The following NRG1 variants were observed in gnomAD, a reference collection of about 807,000 sequenced individuals.
NRG1 encodes the protein pro-neuregulin-1, membrane-bound isoform.
NRG1 carries 18 observed loss-of-function variants against 63.8 expected under a neutral mutation model. The observed-to-expected ratio is 0.28, with a 90% confidence interval of 0.19 to 0.42. The LOEUF (loss-of-function observed/expected upper bound fraction) is 0.42, where lower values mean the gene tolerates loss of function less well. Among genes scored for constraint, NRG1 ranks in the 10% least tolerant of loss-of-function variants. The pLI, the probability that NRG1 is intolerant of heterozygous loss-of-function variation, is 1.00. For synonymous variants in NRG1, 302 were observed against 301.3 expected, an observed-to-expected ratio of 1.00 and a Z score of -0.02; for missense variants, 762 against 814.7, an observed-to-expected ratio of 0.94 and a Z score of 0.79.
intron 1 of NRG1, among the ~76,000 whole-genome samples, chr8:32,114,345 A>G (rs1832427674): frequency 6.6e-6 from 1 of 152,236 alleles, no homozygotes; most frequent in Admixed American, 6.5e-5. Flanking sequence ...GCGATAAAAC[A>G]GCTTCCCAAT....
intron 1 of NRG1, among the ~76,000 whole-genome samples, chr8:31,676,542 C>T (rs1807719866): frequency 6.6e-6 from 1 of 152,152 alleles, no homozygotes; most frequent in African/African-American, 2.4e-5. Context: ...GCAGCAACAG[C>T]TTGTTAAAAA....
intron 1 of NRG1, among the ~76,000 whole-genome samples, chr8:31,658,369 T>A (rs867320873): frequency 1.3e-5 from 2 of 152,208 alleles, no homozygotes; most frequent in Admixed American, 6.5e-5. Flanking sequence ...TTTTTAGTTT[T>A]CTCTTTGTAA....
At chr8:31,681,389 A>AAAC (rs1808327904) in intron 1 of NRG1, among the ~76,000 whole-genome samples, 1 of 95,496 alleles carries the variant, frequency 1.0e-5, no homozygotes, top group Non-Finnish European at 2.7e-5. Context: ...CACAAAAGAG[A>AAAC]AAACACAAAT....
intron 1 of NRG1, among the ~76,000 whole-genome samples, chr8:32,313,971 C>T (rs1484238388): frequency 1.3e-5 from 2 of 152,128 alleles, no homozygotes; most frequent in African/African-American, 4.8e-5. Context: ...GCAGACACTA[C>T]TTTTGGCACC....
At chr8:31,995,657 G>C (rs1230855419) in intron 1 of NRG1, among the ~76,000 whole-genome samples, 1 of 151,810 alleles carries the variant, frequency 6.6e-6, no homozygotes, top group Non-Finnish European at 1.5e-5. Flanking sequence ...ATTTTTGTAT[G>C]TGTCCTATTT....
At chr8:32,132,074 A>G (rs957379547) in intron 1 of NRG1, among the ~76,000 whole-genome samples, 1 of 152,000 alleles carries the variant, frequency 6.6e-6, no homozygotes, top group Non-Finnish European at 1.5e-5. Context: ...TGAAGCCACT[A>G]TGTTTTTGTC....
At chr8:32,112,834 C>T (rs77075445) in intron 1 of NRG1, among the ~76,000 whole-genome samples, 2,420 of 152,278 alleles carry the variant, frequency 0.016, 56 homozygotes, top group African/African-American at 0.055. Flanking sequence ...GCCTCAGACA[C>T]ACCAGGCTGG....
intron 1 of NRG1, among the ~76,000 whole-genome samples, chr8:32,255,144 C>G (rs868654651): frequency 6.6e-6 from 1 of 152,152 alleles, no homozygotes; most frequent in Non-Finnish European, 1.5e-5. Context: ...GACTCTTTCT[C>G]CAATCTGCCA....
At chr8:32,118,721 A>C (rs758352201) in intron 1 of NRG1, among the ~76,000 whole-genome samples, 10 of 152,078 alleles carry the variant, frequency 6.6e-5, no homozygotes, top group Non-Finnish European at 1.5e-4. Flanking sequence ...TCTCTCTCAC[A>C]TGAAAGCCTA....
At chr8:32,361,447 G>A (rs1179197029) in intron 1 of NRG1, among the ~76,000 whole-genome samples, 2 of 152,122 alleles carry the variant, frequency 1.3e-5, no homozygotes, top group Admixed American at 1.3e-4. Flanking sequence ...TGCAATGTGT[G>A]TTTTAGGGGT....
chr8:32,507,900 G>A (rs1828721769), intron 1 of NRG1, among the ~76,000 whole-genome samples: 1 of 152,140 alleles, frequency 6.6e-6, no homozygotes, highest in Non-Finnish European at 1.5e-5. Flanking sequence ...GTTTCACCAT[G>A]TTGGCCAGGC....
chr8:31,666,930 C>T (rs4637774), intron 1 of NRG1, among the ~76,000 whole-genome samples: 141,409 of 152,208 alleles, frequency 0.93, 66,573 homozygotes, highest in East Asian at 1. Flanking sequence ...TCTAAGCTGT[C>T]AACATGTTAA....
At chr8:32,300,675 G>A (rs528299488) in intron 1 of NRG1, among the ~76,000 whole-genome samples, 5 of 152,304 alleles carry the variant, frequency 3.3e-5, no homozygotes, top group Admixed American at 3.3e-4. Flanking sequence ...TAGTCATTTT[G>A]TTGTAGCTTT....
At chr8:32,321,627 A>G (rs1237469822) in intron 1 of NRG1, among the ~76,000 whole-genome samples, 2 of 151,886 alleles carry the variant, frequency 1.3e-5, no homozygotes, top group Admixed American at 1.3e-4. Context: ...AATGAAACCA[A>G]TAGCTTCACT....
At chr8:31,745,068 T>C (rs183046303) in intron 1 of NRG1, among the ~76,000 whole-genome samples, 3 of 152,130 alleles carry the variant, frequency 2.0e-5, no homozygotes, top group Non-Finnish European at 4.4e-5. Context: ...GCAGAGTTAA[T>C]GCTTGTCAGA....
Position 31,948,782 on chromosome 8 carries a change from G to C in NRG1, c.37+309351G>C, listed in dbSNP as rs554176940. 1.8e-3 allele frequency among the ~76,000 whole-genome samples: 270 copies of C among 151,900 alleles called. 1 individual carries two copies. The highest frequency in any genetic ancestry group is 6.2e-3 in the African/African-American group (255 of 41,388). On this transcript the variant is annotated intron_variant, in intron 1 of 10. Transcript: ENST00000519301. ...AGAGGCGACTTGGCAGCCTGTAGGTGATTCATGCCACGAGAAGCCTTTCCC... is the reference window on the plus strand; with the variant it reads ...AGAGGCGACTTGGCAGCCTGTAGGTCATTCATGCCACGAGAAGCCTTTCCC...
chr8:32,763,124 A>G, intron 11 of NRG1: 1 of 1,246,398 alleles, frequency 8.0e-7, no homozygotes, highest in South Asian at 1.3e-5. Flanking sequence ...AATGTTAACT[A>G]GTTGCATTTC....
intron 1 of NRG1, among the ~76,000 whole-genome samples, chr8:31,991,165 A>G (rs1810996021): frequency 6.6e-6 from 1 of 152,038 alleles, no homozygotes; most frequent in African/African-American, 2.4e-5. Flanking sequence ...GTCCTAATGG[A>G]TTGTTTTATA....
At chr8:31,650,825 C>G (rs751398325) in intron 1 of NRG1, among the ~76,000 whole-genome samples, 2 of 152,310 alleles carry the variant, frequency 1.3e-5, no homozygotes, top group Non-Finnish European at 2.9e-5. Flanking sequence ...GAAAAGTGCC[C>G]TGGCCTCGAG....
Sources: gnomAD v4.1 joint callset for allele counts (sites outside exome capture counted in the v4.1 genomes callset) on GRCh38, gnomAD v4.1.1 for gene constraint, MANE v1.5 for transcripts, NCBI Gene and HGNC (gene_info 2026-07-23, HGNC 2026-07-21) for gene names.